The following RNF157 variants were observed in gnomAD, a reference collection of about 807,000 sequenced individuals.
RNF157 encodes the protein ring finger protein 157.
In RNF157, 55 loss-of-function variants were observed where a neutral mutation model predicts 88.3. That is an observed-to-expected ratio of 0.62 (90% CI 0.50 to 0.78). RNF157 has a LOEUF of 0.78. Among genes scored for constraint, RNF157 ranks in the 30% least tolerant of loss-of-function variants. The pLI is 0.00. For missense variants in RNF157, 788 were observed against 860.8 expected (o/e 0.92, Z 1.06); for synonymous variants, 334 against 341.2 (o/e 0.98, Z 0.23).
chr17:76,173,513 GAAC>G (rs1382526413), intron 3 of RNF157, among the ~76,000 whole-genome samples, 186 bp downstream of exon 3: 3 of 152,140 alleles, frequency 2.0e-5, no homozygotes, highest in African/African-American at 4.8e-5. Context: ...ATCCAGTGCT[GAAC>G]AACATGGGTG....
chr17:76,218,214 T>C (rs1410852331), intron 1 of RNF157, among the ~76,000 whole-genome samples: 1 of 152,114 alleles, frequency 6.6e-6, no homozygotes, highest in African/African-American at 2.4e-5. Context: ...AAAGTCAAAA[T>C]TCTAGAGGGG....
At chr17:76,226,807 G>T in intron 1 of RNF157, 1 of 1,541,628 alleles carries the variant, frequency 6.5e-7, no homozygotes, top group Non-Finnish European at 8.7e-7. Flanking sequence ...TTTCGGTCAT[G>T]TTGCGGTGCT....
At chr17:76,194,213 C>T (rs987859483) in intron 2 of RNF157, among the ~76,000 whole-genome samples, 1 of 152,128 alleles carries the variant, frequency 6.6e-6, no homozygotes, top group Non-Finnish European at 1.5e-5. Context: ...TCCCTTGTGC[C>T]CTCTCTAGTC....
At chr17:76,191,610 A>C (rs1401704015) in intron 2 of RNF157, among the ~76,000 whole-genome samples, 1 of 151,354 alleles carries the variant, frequency 6.6e-6, no homozygotes, top group East Asian at 1.9e-4. Flanking sequence ...CAAAAAAAAA[A>C]AAAAAAAAAA....
At chr17:76,228,048 T>C (rs1157026244) in intron 1 of RNF157, among the ~76,000 whole-genome samples, 1 of 152,208 alleles carries the variant, frequency 6.6e-6, no homozygotes, top group African/African-American at 2.4e-5. Context: ...TCCTGTTTTT[T>C]ACAAATGGAA....
At chr17:76,233,355 G>A (rs1483134379) in intron 1 of RNF157, among the ~76,000 whole-genome samples, 1 of 151,948 alleles carries the variant, frequency 6.6e-6, no homozygotes, top group Non-Finnish European at 1.5e-5. Flanking sequence ...ACTTTTTACT[G>A]TCTTTTGAGG....
chr17:76,161,441 C>T lies in RNF157; in HGVS notation c.1065+94G>A. 1.0e-6 allele frequency: 1 copy of T among 965,090 alleles called. No homozygotes were observed. The highest frequency in any genetic ancestry group is 1.8e-5 in the Admixed American group (1 of 55,140). 59.8% of individuals were successfully genotyped at this position (965,090 alleles called of 1,614,324 possible). A position where few individuals can be genotyped will look rare whatever the true frequency, so the allele number is the denominator to read the frequency against. ...TACTGCAGCATGCCCTGGTCTAATT[C>T]CTTGCTGCAATGCCACGTAGAGAAG... On this transcript the variant is annotated intron_variant, in intron 11 of 18. Coordinates refer to ENST00000269391, the MANE Select transcript of RNF157 (RefSeq NM_052916.3). This position sits in a 1 kb window ranked among gnomAD's most constrained non-coding sequence, Gnocchi z 4.6.
At chr17:76,168,939 T>C (rs1267508855) in intron 3 of RNF157, among the ~76,000 whole-genome samples, 3 of 152,236 alleles carry the variant, frequency 2.0e-5, no homozygotes, top group Non-Finnish European at 2.9e-5. Context: ...TCCCAAGAAG[T>C]CTGAAGTCGT....
chr17:76,156,907 TC>T lies in RNF157; in HGVS notation c.1414-587del, dbSNP rs537088115. Among the ~76,000 whole-genome samples the T allele has an allele frequency of 1.9e-4, 29 of 150,904 alleles. 1 individual carries two copies. The South Asian group carries it at 5.5e-3, about 28-fold the overall frequency. Reference sequence around the variant, plus strand: ...TACGAACTGTATCTCCATAATCCCTTCCCTTCCCTCCAGGCGCTCCTCTTTT... The same window carrying T: ...TACGAACTGTATCTCCATAATCCCTTCCTTCCCTCCAGGCGCTCCTCTTTT... On this transcript the variant is annotated intron_variant, in intron 13 of 18. Transcript: ENST00000269391.
intron 18 of RNF157, among the ~76,000 whole-genome samples, chr17:76,150,470 G>A (rs2068657651): frequency 6.6e-6 from 1 of 152,152 alleles, no homozygotes; most frequent in Admixed American, 6.5e-5. Context: ...TAGCACTGTT[G>A]GCTAAAACAA....
In RNF157 at chr17:76,174,157, C is replaced by T. The variant is rs375395766; in HGVS notation, c.208-367G>A. ...ATCACAAAAGGCTTTTCCATCTGAC[C>T]TCAGACGACAGGGAACCAGACCTGC... On this transcript the variant is annotated intron_variant, in intron 2 of 18. Transcript: ENST00000269391. 3.9e-5 allele frequency among the ~76,000 whole-genome samples: 6 copies of T among 152,236 alleles called. No homozygotes were observed. The East Asian group carries it at 1.2e-3, about 29-fold the overall frequency.
intron 2 of RNF157, among the ~76,000 whole-genome samples, chr17:76,203,868 C>T (rs1251458118): frequency 1.3e-5 from 2 of 150,242 alleles, no homozygotes; most frequent in Non-Finnish European, 3.0e-5. Flanking sequence ...CCCGGGTTCA[C>T]GCCATTCTCC....
intron 7 of RNF157, among the ~76,000 whole-genome samples, chr17:76,165,070 T>C (rs548357175): frequency 2.6e-5 from 4 of 152,318 alleles, no homozygotes; most frequent in Non-Finnish European, 5.9e-5. Flanking sequence ...TGAATTAAAC[T>C]TTATCATAGG....
chr17:76,225,617 T>C, intron 1 of RNF157: 1 of 747,504 alleles, frequency 1.3e-6, no homozygotes, highest in Non-Finnish European at 2.0e-6. Flanking sequence ...TATGTCTGTA[T>C]TTATGGCATG....
chr17:76,220,388 A>T (rs111975071), intron 1 of RNF157, among the ~76,000 whole-genome samples: 1 of 96,416 alleles, frequency 1.0e-5, no homozygotes, highest in African/African-American at 9.4e-5. Context: ...TGATATCTAA[A>T]AAAAAAAAAA....
In RNF157 at chr17:76,240,085, C is replaced by T; in HGVS notation, c.88+68G>A. ...GAAGACCCGCGGGGCCCCCTCAGGC[C>T]GTCCCGACCCAGACCCCTGCCCCTG... On this transcript the variant is annotated intron_variant, in intron 1 of 18. Coordinates refer to ENST00000269391, the MANE Select transcript of RNF157 (RefSeq NM_052916.3). This position sits in a 1 kb window ranked among gnomAD's most constrained non-coding sequence, Gnocchi z 4.4. 1 of 995,766 alleles carries T rather than the reference C, an allele frequency of 1.0e-6. No individual in the cohort carries two copies. Among genetic ancestry groups the T allele is most frequent in the Non-Finnish European group, 1.3e-6 (1 of 777,450 alleles). 61.7% of individuals were successfully genotyped at this position (995,766 alleles called of 1,614,324 possible).
At chr17:76,198,160 CATGCCA>C (rs2069508512) in intron 2 of RNF157, among the ~76,000 whole-genome samples, 1 of 152,208 alleles carries the variant, frequency 6.6e-6, no homozygotes, top group Non-Finnish European at 1.5e-5. Flanking sequence ...GAGGGCTTAT[CATGCCA>C]GAGGTGCTTG....
rs1203359013 is a variant in RNF157 at position 76,142,562 on chromosome 17, A to C, written c.*2673T>G. The C allele has an allele frequency of 6.6e-6, 1 of 152,312 alleles. No homozygotes were observed. The highest frequency in any genetic ancestry group is 1.5e-5 in the Non-Finnish European group (1 of 68,060). The allele number at this position is 152,312 out of a possible 1,614,324, so 9.4% of individuals were successfully genotyped here. On this transcript the variant is annotated 3_prime_UTR_variant, in exon 19 of 19. Coordinates refer to ENST00000269391, the MANE Select transcript of RNF157 (RefSeq NM_052916.3). Reference sequence around the variant, plus strand: ...TTGATGTCCCCACTGTAGTGTGACCACAAGTGTACTCCAGGGAGAGGGGTA... The same window carrying C: ...TTGATGTCCCCACTGTAGTGTGACCCCAAGTGTACTCCAGGGAGAGGGGTA...
At chr17:76,156,806 C>T (rs966801910) in intron 13 of RNF157, among the ~76,000 whole-genome samples, 2 of 152,220 alleles carry the variant, frequency 1.3e-5, no homozygotes, top group Non-Finnish European at 2.9e-5. Flanking sequence ...TCCCACACCC[C>T]CACCTCCGAT....
Sources: gnomAD v4.1 joint callset for allele counts (sites outside exome capture counted in the v4.1 genomes callset) on GRCh38, gnomAD v4.1.1 for gene constraint, Gnocchi (gnomAD v3.1) non-coding constraint, MANE v1.5 for transcripts, NCBI Gene and HGNC (gene_info 2026-07-23, HGNC 2026-07-21) for gene names.